Variants in LVRN observed in about 807,000 individuals in gnomAD.
LVRN encodes the protein aminopeptidase Q.
Under a neutral mutation model 111.4 loss-of-function variants are expected in LVRN, and 99 were observed. The ratio of observed to expected loss-of-function variants is 0.89; its 90% CI spans 0.76 to 1.05. The LOEUF is 1.05. Among genes scored for constraint, LVRN ranks in the 50% least tolerant of loss-of-function variants. LVRN has a pLI of 0.00. For missense variants in LVRN, 1,414 were observed against 1,206.8 expected, an observed-to-expected ratio of 1.17 and a Z score of -2.54; for synonymous variants, 488 against 449.5, an observed-to-expected ratio of 1.09 and a Z score of -1.08.
At chr5:115,989,472 C>G (rs1387673343) in intron 4 of LVRN, among the ~76,000 whole-genome samples, 1 of 152,204 alleles carries the variant, frequency 6.6e-6, no homozygotes, top group Non-Finnish European at 1.5e-5. Flanking sequence ...TCTTTTCTCA[C>G]ACTTCCACAG....
intron 13 of LVRN, among the ~76,000 whole-genome samples, chr5:116,008,333 G>A (rs1748419691): frequency 6.6e-6 from 1 of 152,042 alleles, no homozygotes; most frequent in South Asian, 2.1e-4. Context: ...GACAGAGCGA[G>A]ACTCCGTCTA....
At position 115,984,780 on chromosome 5, in the gene LVRN, T is replaced by A. The variant is rs1032931239; in HGVS notation, c.978+71T>A. On this transcript the variant is annotated intron_variant, in intron 3 of 19. Transcript: ENST00000357872. ...AGATTATTCATCTATTCTTTCTGCA[T>A]CCAGTGGTTATGGCTGCATATCCCC... 3 of 1,570,732 alleles carry A rather than the reference T, an allele frequency of 1.9e-6. No homozygotes were observed. The Admixed American group carries it at 5.3e-5, about 28-fold the overall frequency.
Position 116,010,264 on chromosome 5 carries a change from A to C in LVRN, c.2094-477A>C, listed in dbSNP as rs115651928. On this transcript the variant is annotated intron_variant, in intron 13 of 19. Transcript: ENST00000357872. The stretch of plus-strand genomic sequence containing the variant: ...AACATAACTTTTATATGCACTGGAA[A>C]ATCAAAAAAATTGTATGACTTGCTT... Among the ~76,000 whole-genome samples the C allele has an allele frequency of 2.7e-3, 407 of 152,322 alleles. 1 individual carries two copies. Among genetic ancestry groups the C allele is most frequent in the African/African-American group, 9.4e-3 (389 of 41,570 alleles).
At position 116,022,407 on chromosome 5, in the gene LVRN, T is replaced by C. The variant is rs377082787; in HGVS notation, c.2773T>C (p.Leu925=). The stretch of plus-strand genomic sequence containing the variant: ...GCCTTGTAGGTATGGAACACAATCA[T>C]TGATTAATCTAATATATACAATAGG... The part of the protein sequence containing the change: ...AVSKRYGTQS[L]INLIYTIGRT... Residue 925 remains leucine (L), a synonymous_variant, in exon 19 of 20, where the codon TTG becomes CTG. Coordinates refer to ENST00000357872, the MANE Select transcript of LVRN (RefSeq NM_173800.5). 6 of 1,581,596 alleles carry C rather than the reference T, an allele frequency of 3.8e-6. No individual in the cohort carries two copies. Among genetic ancestry groups the C allele is most frequent in the East Asian group, 2.3e-5 (1 of 43,972 alleles).
At chr5:115,978,098 C>G (rs756663216) in intron 1 of LVRN, among the ~76,000 whole-genome samples, 4 of 152,124 alleles carry the variant, frequency 2.6e-5, no homozygotes, top group African/African-American at 4.8e-5. Context: ...GACTTTCTTG[C>G]AGTTGCTGTT....
chr5:116,022,269 A>G, intron 18 of LVRN, 122 bp from the exon 19 acceptor site: 1 of 676,172 alleles, frequency 1.5e-6, no homozygotes, highest in Non-Finnish European at 2.6e-6. Context: ...ACATGTTTTT[A>G]CTTAGATTTG....
At chr5:115,973,183 G>T (rs1004113459) in intron 1 of LVRN, among the ~76,000 whole-genome samples, 3 of 152,112 alleles carry the variant, frequency 2.0e-5, no homozygotes, top group African/African-American at 7.2e-5. Context: ...ATCTCCCTTG[G>T]CCTCCCAAAG....
At chr5:115,980,583 C>G (rs1447949619) in intron 1 of LVRN, among the ~76,000 whole-genome samples, 1 of 152,004 alleles carries the variant, frequency 6.6e-6, no homozygotes, top group Non-Finnish European at 1.5e-5. Context: ...ACTTTTGGAA[C>G]CTGTAAAATA....
Position 115,999,913 on chromosome 5 carries a change from T to A in LVRN, c.1515+11T>A. ...TTTACTTACAGCAAGGTAAAAGCAG[T>A]TAGAAATTTCCTTTGGTTTTGTACT... is the stretch of plus-strand genomic sequence containing the variant. On this transcript the variant is annotated intron_variant, in intron 7 of 19. Coordinates refer to ENST00000357872, the MANE Select transcript of LVRN (RefSeq NM_173800.5). 4 of 1,600,294 alleles carry A rather than the reference T, an allele frequency of 2.5e-6. No individual in the cohort carries two copies. The highest frequency in any genetic ancestry group is 3.4e-6 in the Non-Finnish European group (4 of 1,175,724).
At chr5:115,980,549 C>T (rs544086907) in intron 1 of LVRN, among the ~76,000 whole-genome samples, 12 of 152,176 alleles carry the variant, frequency 7.9e-5, no homozygotes, top group African/African-American at 2.6e-4. Context: ...CTGGCGTCTC[C>T]ACCTGCTTTT....
chr5:115,983,933 T>G (rs893205312), intron 2 of LVRN, among the ~76,000 whole-genome samples: 2 of 152,204 alleles, frequency 1.3e-5, no homozygotes, highest in African/African-American at 4.8e-5. Context: ...GTCTCAGGAC[T>G]TTAGTTGAAA....
Position 115,962,917 on chromosome 5 carries a change from C to G in LVRN, c.300C>G (p.Pro100=), listed in dbSNP as rs1753115124. The G allele has an allele frequency of 3.7e-6, 6 of 1,613,060 alleles. No homozygotes were observed. Among genetic ancestry groups the G allele is most frequent in the African/African-American group, 2.7e-5 (2 of 75,052 alleles). ...PGPWDQLRLP[P]WLVPLHYDLE... The stretch of plus-strand genomic sequence containing the variant: ...CCTGGGACCAGCTACGCCTGCCGCC[C>G]TGGCTCGTGCCGCTGCACTACGATC... The change falls in exon 1 of 20, where the codon CCC becomes CCG. Residue 100 remains proline, a synonymous_variant. Coordinates refer to ENST00000357872, the MANE Select transcript of LVRN (RefSeq NM_173800.5).
intron 1 of LVRN, among the ~76,000 whole-genome samples, chr5:115,971,469 G>C (rs917954960): frequency 4.6e-5 from 7 of 152,074 alleles, no homozygotes; most frequent in Non-Finnish European, 7.4e-5. Flanking sequence ...TTAGGTGTAT[G>C]ATCCATTTTG....
At position 116,021,749 on chromosome 5, in the gene LVRN, G is replaced by A. The variant is rs182525039; in HGVS notation, c.2757-642G>A. The A allele has an allele frequency of 1.5e-4, 66 of 449,282 alleles. No homozygotes were observed. In the East Asian group the frequency reaches 4.1e-3, roughly 28 times the overall value. 27.8% of individuals were successfully genotyped at this position (449,282 alleles called of 1,614,324 possible). ...TTTTTTAACTACAGCCACACTTTGAGCAGGTAAGTGTCTGCTGTTTTTTCA... is the reference window on the plus strand; with the variant it reads ...TTTTTTAACTACAGCCACACTTTGAACAGGTAAGTGTCTGCTGTTTTTTCA... On this transcript the variant is annotated intron_variant, in intron 18 of 19. Transcript: ENST00000357872.
chr5:116,012,999 G>A (rs753107736), intron 15 of LVRN, among the ~76,000 whole-genome samples: 1 of 152,036 alleles, frequency 6.6e-6, no homozygotes, highest in Non-Finnish European at 1.5e-5. Context: ...ATATTGTCAT[G>A]GTGGTCTAGG....
chr5:116,010,439 A>G, intron 13 of LVRN: 1 of 435,256 alleles, frequency 2.3e-6, no homozygotes, highest in Non-Finnish European at 4.5e-6. Context: ...TTATGCTGTC[A>G]TAAGAATGCA....
intron 1 of LVRN, among the ~76,000 whole-genome samples, chr5:115,968,781 T>C (rs957728287): frequency 6.6e-6 from 1 of 152,236 alleles, no homozygotes; most frequent in Non-Finnish European, 1.5e-5. Context: ...AAGTAATTTT[T>C]CAGTAAGTAT....
In LVRN at chr5:115,992,026, T is replaced by G. The variant is rs75211624; in HGVS notation, c.1106-97T>G. The G allele has an allele frequency of 6.5e-3, 7,836 of 1,197,192 alleles. 393 individuals are homozygous for G. In the Admixed American group the frequency reaches 0.1, roughly 15 times the overall value. 74.2% of individuals were successfully genotyped at this position (1,197,192 alleles called of 1,614,324 possible). ...TTCAGGTTATAAATATTCCCTTGAA[T>G]TTTTTGGTAATTTTATGATTTCATT... On this transcript the variant is annotated intron_variant, in intron 4 of 19. Coordinates refer to ENST00000357872, the MANE Select transcript of LVRN (RefSeq NM_173800.5).
rs1183407351 is a variant in LVRN, at chr5:116,024,750, A to G, written c.2833-1228A>G. Among the ~76,000 whole-genome samples the G allele has an allele frequency of 2.6e-5, 4 of 152,202 alleles. No individual in the cohort carries two copies. In the East Asian group the frequency reaches 5.8e-4, roughly 22 times the overall value. On this transcript the variant is annotated intron_variant, in intron 19 of 19. Transcript: ENST00000357872. Reference sequence around the variant, plus strand: ...CTCTAGTCACTCACAGCTTTTCGAAATTGTAAAAATGGATTTAGCAGTAAA... The same window carrying G: ...CTCTAGTCACTCACAGCTTTTCGAAGTTGTAAAAATGGATTTAGCAGTAAA...
Sources: gnomAD v4.1 joint callset for allele counts (sites outside exome capture counted in the v4.1 genomes callset) on GRCh38, gnomAD v4.1.1 for gene constraint, MANE v1.5 for transcripts, NCBI Gene and HGNC (gene_info 2026-07-23, HGNC 2026-07-21) for gene names.